Variants in CPE observed in about 807,000 individuals in gnomAD.
The protein encoded by CPE is carbocypeptidase E.
A neutral mutation model predicts 53.5 loss-of-function variants in CPE; 17 were observed. The observed-to-expected ratio is 0.32, with a 90% CI of 0.22 to 0.48. The LOEUF (loss-of-function observed/expected upper bound fraction) is 0.48, where lower values mean the gene tolerates loss of function less well. Among genes scored for constraint, CPE ranks in the 20% least tolerant of loss-of-function variants. The pLI is 0.99. For synonymous variants in CPE, 226 were observed against 228.8 expected (o/e 0.99, Z 0.11); for missense variants, 524 against 614.7 (o/e 0.85, Z 1.56).
intron 3 of CPE, among the ~76,000 whole-genome samples, chr4:165,475,822 C>G (rs1444995905): frequency 6.6e-6 from 1 of 152,048 alleles, no homozygotes; most frequent in Non-Finnish European, 1.5e-5. Context: ...CCCCTCCGAG[C>G]CACCCATTAG....
At chr4:165,495,314 C>A (rs181341836) in intron 7 of CPE, among the ~76,000 whole-genome samples, 1 of 152,002 alleles carries the variant, frequency 6.6e-6, no homozygotes, top group African/African-American at 2.4e-5. Context: ...TATGATCGTA[C>A]GAGGTTTATT....
At chr4:165,493,768 G>T (rs1489944438) in intron 7 of CPE, among the ~76,000 whole-genome samples, 1 of 152,174 alleles carries the variant, frequency 6.6e-6, no homozygotes, top group Non-Finnish European at 1.5e-5. Flanking sequence ...AGGGATTCAA[G>T]GTTAAACAAG....
At chr4:165,463,718 A>C (rs950598384) in intron 1 of CPE, among the ~76,000 whole-genome samples, 22 of 152,246 alleles carry the variant, frequency 1.4e-4, no homozygotes, top group African/African-American at 5.3e-4. Flanking sequence ...TTGGATAATA[A>C]TACTTATTTT....
chr4:165,497,653 A>G lies in CPE; in HGVS notation c.*43A>G. 9.0e-7 allele frequency: 1 copy of G among 1,113,892 alleles called. No individual in the cohort carries two copies. The highest frequency in any genetic ancestry group is 1.2e-6 in the Non-Finnish European group (1 of 812,038). 69.0% of individuals were successfully genotyped at this position (1,113,892 alleles called of 1,614,324 possible). A position where few individuals can be genotyped will look rare whatever the true frequency, so the allele number is the denominator to read the frequency against. ...TGCTTTAAATCTATCTATATAATGTAGTATGATGTAATGTGGTCTTTTTTT... is the reference window on the plus strand; with the variant it reads ...TGCTTTAAATCTATCTATATAATGTGGTATGATGTAATGTGGTCTTTTTTT... On this transcript the variant is annotated 3_prime_UTR_variant, in exon 9 of 9. Coordinates refer to ENST00000402744, the MANE Select transcript of CPE (RefSeq NM_001873.4).
At chr4:165,437,129 T>TC (rs1165333023) in intron 1 of CPE, among the ~76,000 whole-genome samples, 3 of 152,098 alleles carry the variant, frequency 2.0e-5, no homozygotes, top group African/African-American at 7.2e-5. Context: ...AAGAATAAAT[T>TC]CCCACAAAAG....
intron 1 of CPE, among the ~76,000 whole-genome samples, chr4:165,390,103 A>C (rs1730656656): frequency 6.6e-6 from 1 of 152,226 alleles, no homozygotes; most frequent in East Asian, 1.9e-4. Flanking sequence ...CAAGGCAAAT[A>C]GTTATATCAA....
chr4:165,420,126 A>G (rs545355926), intron 1 of CPE, among the ~76,000 whole-genome samples: 101 of 151,840 alleles, frequency 6.7e-4, no homozygotes, highest in African/African-American at 2.2e-3. Context: ...TTATTCTTAG[A>G]TTTTATCTCT....
intron 5 of CPE, among the ~76,000 whole-genome samples, chr4:165,486,851 A>G (rs1732513257): frequency 6.6e-6 from 1 of 152,100 alleles, no homozygotes; most frequent in Non-Finnish European, 1.5e-5. Flanking sequence ...CCTCAAAATC[A>G]TCTTCGGAGA....
chr4:165,388,820 C>T (rs547596943), intron 1 of CPE, among the ~76,000 whole-genome samples: 4 of 147,174 alleles, frequency 2.7e-5, no homozygotes, highest in African/African-American at 1.0e-4. Flanking sequence ...TACAACAGTC[C>T]TATTCAAACA....
intron 1 of CPE, among the ~76,000 whole-genome samples, chr4:165,439,888 G>A (rs1332514465): frequency 6.6e-6 from 1 of 152,136 alleles, no homozygotes; most frequent in Non-Finnish European, 1.5e-5. Flanking sequence ...GAGGGCTAAA[G>A]CACTCCCCAG....
chr4:165,460,204 GA>G (rs1342640302), intron 1 of CPE, among the ~76,000 whole-genome samples: 3 of 151,434 alleles, frequency 2.0e-5, no homozygotes, highest in African/African-American at 7.4e-5. Context: ...AATTGATGAT[GA>G]AAAACTGTCA....
At chr4:165,493,356 T>C in intron 7 of CPE, 86 bp downstream of exon 7, 1 of 957,264 alleles carries the variant, frequency 1.0e-6, no homozygotes, top group Admixed American at 2.3e-5. Flanking sequence ...TATGTTCTTC[T>C]AAGCAAAACA....
At chr4:165,460,029 C>T (rs1731973374) in intron 1 of CPE, among the ~76,000 whole-genome samples, 1 of 152,076 alleles carries the variant, frequency 6.6e-6, no homozygotes, top group South Asian at 2.1e-4. Context: ...CCCCGCTCCC[C>T]CACCCCGTTG....
At chr4:165,405,812 G>A in intron 1 of CPE, 1 of 764,666 alleles carries the variant, frequency 1.3e-6, no homozygotes, top group Non-Finnish European at 2.4e-6. Flanking sequence ...GGCAGCCTTT[G>A]TGTGCCTCCT....
intron 3 of CPE, among the ~76,000 whole-genome samples, chr4:165,469,503 C>T (rs201791508): frequency 6.2e-4 from 95 of 152,174 alleles, no homozygotes; most frequent in East Asian, 3.7e-3. Flanking sequence ...CATTTTCTAA[C>T]AATTTTATGT....
At chr4:165,448,635 C>CA (rs113912565) in intron 1 of CPE, among the ~76,000 whole-genome samples, 1,615 of 145,746 alleles carry the variant, frequency 0.011, 22 homozygotes, top group African/African-American at 0.035. Flanking sequence ...AAGAATAAAG[C>CA]AAAAAAAAAA....
At chr4:165,400,642 A>G (rs1730850265) in intron 1 of CPE, among the ~76,000 whole-genome samples, 1 of 152,204 alleles carries the variant, frequency 6.6e-6, no homozygotes, top group East Asian at 1.9e-4. Flanking sequence ...AGTGAAGGGC[A>G]GTTTCACCTC....
chr4:165,405,924 T>A (rs1730945943), intron 1 of CPE: 1 of 731,794 alleles, frequency 1.4e-6, no homozygotes, highest in Admixed American at 1.8e-5. Flanking sequence ...GATCCACTGA[T>A]GGCAGTCACA....
chr4:165,387,927 A>G (rs1730621174), intron 1 of CPE, among the ~76,000 whole-genome samples: 1 of 152,200 alleles, frequency 6.6e-6, no homozygotes, highest in Non-Finnish European at 1.5e-5. Context: ...CAGCCCCCCA[A>G]AATTTCTTGC....
Sources: allele counts gnomAD v4.1 joint callset (sites outside exome capture counted in the v4.1 genomes callset), GRCh38; gene constraint gnomAD v4.1.1; transcripts MANE v1.5; gene names NCBI Gene and HGNC (gene_info 2026-07-23, HGNC 2026-07-21).